NWD1: variants seen among roughly 807,000 people sequenced by gnomAD.
NWD1 encodes NACHT domain- and WD repeat-containing protein 1.
NWD1 carries 129 observed loss-of-function variants against 135.1 expected under a neutral mutation model. The observed-to-expected ratio is 0.96, with a 90% CI of 0.83 to 1.11. The LOEUF is 1.11. Among genes scored for constraint, NWD1 ranks in the 50% least tolerant of loss-of-function variants. The pLI is 0.00. For synonymous variants in NWD1, 773 were observed against 786.0 expected (o/e 0.98, Z 0.28); for missense variants, 1,740 against 1,851.3 (o/e 0.94, Z 1.10).
At chr19:16,732,216 CAAA>C (rs59934633) in intron 3 of NWD1, among the ~76,000 whole-genome samples, 39,302 of 114,550 alleles carry the variant, frequency 0.34, 6,725 homozygotes, top group African/African-American at 0.55. Context: ...GACTCCGTCT[CAAA>C]AAAAAAAAAA....
intron 5 of NWD1, among the ~76,000 whole-genome samples, chr19:16,747,386 A>T (rs1014826816): frequency 2.4e-5 from 3 of 122,808 alleles, no homozygotes; most frequent in Non-Finnish European, 3.4e-5. Context: ...TATTTATTTA[A>T]TTTTTTTTGA....
At chr19:16,735,978 AG>A (rs1340124102) in intron 3 of NWD1, among the ~76,000 whole-genome samples, 16 of 151,424 alleles carry the variant, frequency 1.1e-4, no homozygotes, top group Middle Eastern at 3.4e-3. Flanking sequence ...AAAAAAAAAA[AG>A]ATAAATCAAC....
chr19:16,809,579 G>A (rs1200870000), intron 18 of NWD1, among the ~76,000 whole-genome samples: 1 of 142,542 alleles, frequency 7.0e-6, no homozygotes, highest in Non-Finnish European at 1.5e-5. Flanking sequence ...TTTTGAGATG[G>A]AGTCTTGCTC....
intron 18 of NWD1, among the ~76,000 whole-genome samples, chr19:16,814,336 C>A (rs1298960017): frequency 2.0e-5 from 3 of 152,174 alleles, no homozygotes; most frequent in Non-Finnish European, 4.4e-5. Flanking sequence ...TTCCTGATTT[C>A]AGTACGCCTT....
intron 17 of NWD1, 127 bp downstream of exon 17, chr19:16,800,289 T>C (rs1354090214): frequency 2.1e-6 from 2 of 961,114 alleles, no homozygotes; most frequent in African/African-American, 3.3e-5. Flanking sequence ...ATCCCAGGAC[T>C]TTGGGAGGCC....
intron 17 of NWD1, among the ~76,000 whole-genome samples, chr19:16,802,286 T>TAAATAA (rs368646576): frequency 1.4e-4 from 20 of 143,948 alleles, no homozygotes; most frequent in Admixed American, 2.8e-4. Context: ...AATAAATAAA[T>TAAATAA]AAATAAAAAT....
At chr19:16,761,935 TGATGGGTCACCCAG>T (rs773702556) in intron 7 of NWD1, 30 bp from the exon 8 acceptor site, 2 of 1,557,494 alleles carry the variant, frequency 1.3e-6, no homozygotes, top group Non-Finnish European at 1.8e-6. Flanking sequence ...CCTTTGAGCT[TGATGGGTCACCCAG>T]GTCTATCAGT....
Position 16,736,691 on chromosome 19 carries a change from G to A in NWD1, c.139G>A (p.Glu47Lys). The A allele has an allele frequency of 1.3e-6, 2 of 1,536,330 alleles. No individual in the cohort carries two copies. Among genetic ancestry groups the A allele is most frequent in the Non-Finnish European group, 1.7e-6 (2 of 1,146,918 alleles). ...NIEATDHLTTELCLEEVDRCW... is the reference protein window; with the variant it reads ...NIEATDHLTTKLCLEEVDRCW... ...TGAAGCCACTGACCACTTGACCACA[G>A]AACTCTGCTTGGAGGAGGTTGACCG... Residue 47 changes from glutamate (E) to lysine (K), a missense_variant, in exon 4 of 19, where the codon GAA (glutamate) becomes AAA (lysine). Transcript: ENST00000524140.
chr19:16,808,230 G>A lies in NWD1; in HGVS notation c.4287+94G>A, dbSNP rs542350499. The A allele has an allele frequency of 7.6e-5, 90 of 1,177,186 alleles. No individual in the cohort carries two copies. The East Asian group carries it at 9.9e-4, about 13-fold the overall frequency. The allele number at this position is 1,177,186 out of a possible 1,614,324, so 72.9% of individuals were successfully genotyped here. A position where few individuals can be genotyped will look rare whatever the true frequency, so the allele number is the denominator to read the frequency against. On this transcript the variant is annotated intron_variant, in intron 18 of 18. Transcript: ENST00000524140. ...TACTAAGCACACACCATGGGCCATC[G>A]ACCAGGATGGGACTGGGGTGATGAA...
rs148067405 is a variant in NWD1, at chr19:16,808,064, C to A, written c.4215C>A (p.Ser1405Arg). The change falls in exon 18 of 19, where the codon AGC becomes AGA. Residue 1405 changes from serine to arginine, a missense_variant. Coordinates refer to ENST00000524140, the MANE Select transcript of NWD1 (RefSeq NM_001007525.5). ...GCCACAAGGAGCAGCTGGTGGTCAG[C>A]GGGTCTGAGGATGCCCTGCTGTGTC... Reference protein sequence around the residue: ...EVSHKEQLVVSGSEDALLCLW... With the variant: ...EVSHKEQLVVRGSEDALLCLW... 3 of 1,614,112 alleles carry A rather than the reference C, an allele frequency of 1.9e-6. No individual in the cohort carries two copies. The highest frequency in any genetic ancestry group is 8.5e-7 in the Non-Finnish European group (1 of 1,180,006).
At chr19:16,763,593 A>G (rs1436650171) in intron 8 of NWD1, among the ~76,000 whole-genome samples, 1 of 152,116 alleles carries the variant, frequency 6.6e-6, no homozygotes, top group Non-Finnish European at 1.5e-5. Context: ...TGCCTTCAGG[A>G]AACATTCCCT....
At chr19:16,798,378 G>A (rs1487414333) in intron 16 of NWD1, among the ~76,000 whole-genome samples, 1 of 152,154 alleles carries the variant, frequency 6.6e-6, no homozygotes, top group African/African-American at 2.4e-5. Context: ...GGAAGGCCAA[G>A]GCAGGTGGAT....
chr19:16,726,089 A>G (rs1373309796), intron 2 of NWD1, among the ~76,000 whole-genome samples: 1 of 151,510 alleles, frequency 6.6e-6, no homozygotes, highest in East Asian at 1.9e-4. Context: ...CAGCCTCCGG[A>G]GTAGCTAGGA....
chr19:16,800,313 C>G, intron 17 of NWD1, 151 bp downstream of exon 17: 2 of 730,158 alleles, frequency 2.7e-6, no homozygotes, highest in Middle Eastern at 3.1e-4. Flanking sequence ...GCGGGTGGAT[C>G]ACCTGAGGTC....
At chr19:16,813,856 C>T (rs919409542) in intron 18 of NWD1, among the ~76,000 whole-genome samples, 1 of 151,610 alleles carries the variant, frequency 6.6e-6, no homozygotes, top group Non-Finnish European at 1.5e-5. Context: ...AAGGTCTTAG[C>T]AAGAGTTAAC....
chr19:16,803,203 A>G (rs1970654882), intron 17 of NWD1, among the ~76,000 whole-genome samples: 1 of 152,148 alleles, frequency 6.6e-6, no homozygotes, highest in Non-Finnish European at 1.5e-5. Flanking sequence ...CCATGATTCA[A>G]TTATCTCCAG....
intron 4 of NWD1, 142 bp from the exon 5 acceptor site, chr19:16,744,279 A>G (rs1968207262): frequency 1.5e-6 from 1 of 657,670 alleles, no homozygotes; most frequent in Non-Finnish European, 2.6e-6. Context: ...ATTGTGGTCC[A>G]AGTGGGAGGA....
At chr19:16,798,503 C>G (rs931104459) in intron 16 of NWD1, among the ~76,000 whole-genome samples, 1 of 152,034 alleles carries the variant, frequency 6.6e-6, no homozygotes, top group African/African-American at 2.4e-5. Flanking sequence ...CCTAGCTACT[C>G]AGGAATCTGA....
intron 8 of NWD1, 80 bp from the exon 9 acceptor site, chr19:16,763,748 T>G: frequency 3.4e-6 from 3 of 872,608 alleles, no homozygotes; most frequent in African/African-American, 1.6e-5. Context: ...GTCTGGAGCA[T>G]GAGGTGAATG....
Sources: gnomAD v4.1 joint callset for allele counts (sites outside exome capture counted in the v4.1 genomes callset) on GRCh38, gnomAD v4.1.1 for gene constraint, MANE v1.5 for transcripts, NCBI Gene and HGNC (gene_info 2026-07-23, HGNC 2026-07-21) for gene names.